PTPRD: variants seen among roughly 807,000 people sequenced by gnomAD.
PTPRD encodes receptor-type tyrosine-protein phosphatase delta.
Under a neutral mutation model 214.5 loss-of-function variants are expected in PTPRD, and 34 were observed. The ratio of observed to expected loss-of-function variants is 0.16; its 90% CI spans 0.12 to 0.21. The LOEUF is 0.21. PTPRD is among the 10% of genes least tolerant of loss of function. The pLI, the probability that PTPRD is intolerant of heterozygous loss-of-function variation, is 1.00. For synonymous variants in PTPRD, 1,128 were observed against 845.7 expected (o/e 1.33, Z -5.79); for missense variants, 2,545 against 2,398.7 (o/e 1.06, Z -1.27).
At chr9:10,278,086 G>A (rs2094830677) in intron 3 of PTPRD, among the ~76,000 whole-genome samples, 1 of 151,666 alleles carries the variant, frequency 6.6e-6, no homozygotes, top group Non-Finnish European at 1.5e-5. Flanking sequence ...CGTGAACTTG[G>A]GAGGTGGAGC....
chr9:8,837,496 T>TTTTTGTTGTG (rs1566497914), intron 11 of PTPRD, among the ~76,000 whole-genome samples: 1 of 151,044 alleles, frequency 6.6e-6, no homozygotes, highest in African/African-American at 2.5e-5. Context: ...TCTCTTCCTT[T>TTTTTGTTGTG]TTTTGTTTTG....
At position 10,594,054 on chromosome 9, in the gene PTPRD, T is replaced by C. The variant is rs527254617; in HGVS notation, c.-600+18344A>G. ...CTCGCTATAAGAATAACTAAACTTT[T>C]TGTGTTGTGCTTCCATCTTTTCTAC... is the stretch of plus-strand genomic sequence containing the variant. On this transcript the variant is annotated intron_variant, in intron 2 of 45. Transcript: ENST00000381196. Among the ~76,000 whole-genome samples the C allele has an allele frequency of 2.9e-3, 447 of 152,082 alleles. 2 individuals carry two copies. The highest frequency in any genetic ancestry group is 5.1e-3 in the Non-Finnish European group (348 of 67,910).
chr9:8,976,031 C>T (rs10977420), intron 11 of PTPRD, among the ~76,000 whole-genome samples: 15,861 of 151,956 alleles, frequency 0.1, 1,098 homozygotes, highest in South Asian at 0.19. Context: ...TAAGATGATA[C>T]GTTTTTGCCT....
Position 8,688,475 on chromosome 9 carries a change from G to C in PTPRD, c.64+45305C>G, listed in dbSNP as rs562739419. On this transcript the variant is annotated intron_variant, in intron 12 of 45. Coordinates refer to ENST00000381196, the MANE Select transcript of PTPRD (RefSeq NM_002839.4). ...AGCTACTCAGGAGGCTGAGGGAGGA[G>C]AATGGCATGAACCCAGGAGGCAGAG... Among the ~76,000 whole-genome samples, 6 of 151,294 alleles carry C rather than the reference G, an allele frequency of 4.0e-5. No homozygotes were observed. The East Asian group carries it at 9.8e-4, about 25-fold the overall frequency.
intron 30 of PTPRD, among the ~76,000 whole-genome samples, chr9:8,482,589 C>A (rs2096910371): frequency 6.6e-6 from 1 of 152,084 alleles, no homozygotes; most frequent in South Asian, 2.1e-4. Flanking sequence ...ACAGGTAGCA[C>A]AATAGATGCT....
chr9:9,428,958 T>G (rs2082053450), intron 8 of PTPRD, among the ~76,000 whole-genome samples: 1 of 152,030 alleles, frequency 6.6e-6, no homozygotes, highest in African/African-American at 2.4e-5. Flanking sequence ...GCAGGAAAGA[T>G]CTAAAATTGA....
chr9:9,519,872 C>G (rs1278504170), intron 8 of PTPRD, among the ~76,000 whole-genome samples: 1 of 151,968 alleles, frequency 6.6e-6, no homozygotes, highest in Non-Finnish European at 1.5e-5. Flanking sequence ...TATGAGGAAA[C>G]AGAAAGGGCT....
At chr9:9,539,519 C>T (rs1322500509) in intron 8 of PTPRD, among the ~76,000 whole-genome samples, 1 of 151,834 alleles carries the variant, frequency 6.6e-6, no homozygotes, top group Non-Finnish European at 1.5e-5. Flanking sequence ...TTCTTAGAGT[C>T]CTAGTTAGGC....
intron 5 of PTPRD, among the ~76,000 whole-genome samples, chr9:9,936,048 C>A: frequency 6.7e-6 from 1 of 148,804 alleles, no homozygotes. Context: ...AAACTGGATC[C>A]CTTCCTTACA....
chr9:9,136,112 A>G (rs1235806004), intron 10 of PTPRD, among the ~76,000 whole-genome samples: 1 of 152,168 alleles, frequency 6.6e-6, no homozygotes, highest in Non-Finnish European at 1.5e-5. Flanking sequence ...ATAGTATAGA[A>G]AGGTGAATTC....
At chr9:9,465,266 C>G (rs2094041197) in intron 8 of PTPRD, among the ~76,000 whole-genome samples, 2 of 151,958 alleles carry the variant, frequency 1.3e-5, no homozygotes, top group South Asian at 2.1e-4. Flanking sequence ...AAACAAAAGC[C>G]AAAGAAAAGA....
intron 35 of PTPRD, among the ~76,000 whole-genome samples, chr9:8,414,353 G>A (rs770249098): frequency 1.9e-4 from 29 of 152,256 alleles, no homozygotes; most frequent in East Asian, 7.7e-4. Context: ...TTTTACATAT[G>A]TACTTAATAT....
intron 3 of PTPRD, among the ~76,000 whole-genome samples, chr9:10,237,328 T>C (rs2099632352): frequency 6.6e-6 from 1 of 151,982 alleles, no homozygotes; most frequent in South Asian, 2.1e-4. Flanking sequence ...TTATTTTTAA[T>C]GTTATATCAT....
rs114812589 is a variant in PTPRD, at chr9:10,239,656, G to C, written c.-545+101307C>G. Among the ~76,000 whole-genome samples the C allele has an allele frequency of 8.9e-3, 1,347 of 151,820 alleles. 17 individuals carry two copies. Among genetic ancestry groups the C allele is most frequent in the African/African-American group, 0.031 (1,274 of 41,462 alleles). Reference sequence around the variant, plus strand: ...GTTTTATTATGCATATCATTGCTGAGAGCTTAGTGGTGTGACACTATAGGA... The same window carrying C: ...GTTTTATTATGCATATCATTGCTGACAGCTTAGTGGTGTGACACTATAGGA... On this transcript the variant is annotated intron_variant, in intron 3 of 45. Coordinates refer to ENST00000381196, the MANE Select transcript of PTPRD (RefSeq NM_002839.4).
At chr9:8,468,485 G>A (rs1403340010) in intron 31 of PTPRD, among the ~76,000 whole-genome samples, 1 of 151,926 alleles carries the variant, frequency 6.6e-6, no homozygotes, top group South Asian at 2.1e-4. Flanking sequence ...GACAATAGGA[G>A]TTTCAGTTTA....
intron 11 of PTPRD, among the ~76,000 whole-genome samples, chr9:8,964,233 G>C (rs1476378330): frequency 1.2e-3 from 69 of 56,548 alleles, no homozygotes; most frequent in African/African-American, 4.2e-3. Flanking sequence ...TTCAATTTTG[G>C]AACTTGATGT....
chr9:8,411,401 T>A (rs1564620944), intron 35 of PTPRD, among the ~76,000 whole-genome samples: 1 of 152,102 alleles, frequency 6.6e-6, no homozygotes, highest in East Asian at 1.9e-4. Context: ...CCTCCCGGGT[T>A]CAAGCAATTC....
At chr9:9,848,867 C>T (rs1239880953) in intron 5 of PTPRD, among the ~76,000 whole-genome samples, 1 of 151,910 alleles carries the variant, frequency 6.6e-6, no homozygotes, top group Non-Finnish European at 1.5e-5. Context: ...AATCAATTGC[C>T]TCAATAACAT....
intron 7 of PTPRD, among the ~76,000 whole-genome samples, chr9:9,731,716 A>C (rs1264990470): frequency 1.3e-5 from 2 of 152,186 alleles, no homozygotes; most frequent in African/African-American, 4.8e-5. Context: ...AGGACAAAAA[A>C]CCGAACACCG....
Sources: allele counts gnomAD v4.1 joint callset (sites outside exome capture counted in the v4.1 genomes callset), GRCh38; gene constraint gnomAD v4.1.1; transcripts MANE v1.5; gene names NCBI Gene and HGNC (gene_info 2026-07-23, HGNC 2026-07-21).